BICD1: variants seen among roughly 807,000 people sequenced by gnomAD.
The protein encoded by BICD1 is protein bicaudal D homolog 1.
BICD1 carries 35 observed loss-of-function variants against 92.5 expected under a neutral mutation model. The ratio of observed to expected loss-of-function variants is 0.38; its 90% confidence interval spans 0.29 to 0.50. BICD1 has a LOEUF of 0.50. Ranked by LOEUF, BICD1 falls within the 20% of genes least tolerant of loss-of-function variation. BICD1 has a pLI of 0.93. For synonymous variants in BICD1, 429 were observed against 465.1 expected, an observed-to-expected ratio of 0.92 and a Z score of 1.00; for missense variants, 950 against 1,189.8, an observed-to-expected ratio of 0.80 and a Z score of 2.97.
chr12:32,273,586 G>A (rs1042684183), intron 2 of BICD1, among the ~76,000 whole-genome samples: 5 of 152,190 alleles, frequency 3.3e-5, no homozygotes, highest in African/African-American at 9.7e-5. Context: ...ATTAAACCAC[G>A]TACCAAGCGG....
At chr12:32,218,232 A>G (rs1426125175) in intron 2 of BICD1, among the ~76,000 whole-genome samples, 1 of 152,208 alleles carries the variant, frequency 6.6e-6, no homozygotes, top group East Asian at 1.9e-4. Flanking sequence ...AAGTTAATTA[A>G]TTAAGCATGA....
intron 4 of BICD1, among the ~76,000 whole-genome samples, chr12:32,311,824 G>A (rs187880986): frequency 3.3e-5 from 5 of 152,322 alleles, no homozygotes; most frequent in Admixed American, 2.0e-4. Flanking sequence ...AAAACAAAGC[G>A]GGGAAAGGGG....
intron 1 of BICD1, among the ~76,000 whole-genome samples, chr12:32,194,960 T>C (rs567627157): frequency 1.3e-5 from 2 of 152,034 alleles, no homozygotes; most frequent in East Asian, 3.9e-4. Context: ...GATCTGTACA[T>C]TGAAAACTGT....
chr12:32,305,959 A>G lies in BICD1; in HGVS notation c.842A>G (p.Asn281Ser), dbSNP rs199601826. 4.1e-5 allele frequency: 66 copies of G among 1,614,112 alleles called. No homozygotes were observed. The highest frequency in any genetic ancestry group is 5.6e-5 in the Non-Finnish European group (66 of 1,180,048). Reference sequence around the variant, plus strand: ...GCCGAGGATGGGAGTGAACCAAACAATGATGACAAAATGAACGGTCATATC... The same window carrying G: ...GCCGAGGATGGGAGTGAACCAAACAGTGATGACAAAATGAACGGTCATATC... ...KFAEDGSEPN[N>S]DDKMNGHIHG... The change falls in exon 4 of 10, where the codon AAT (asparagine) becomes AGT (serine). Residue 281 changes from asparagine (N) to serine (S), a missense_variant. Physicochemically the swap from Asn to Ser is conservative, Grantham distance 46. Around this residue, in one of 5 missense-constraint regions of BICD1, gnomAD observed 246 missense variants for 258.4 expected, o/e 0.95. Coordinates refer to ENST00000652176, the MANE Select transcript of BICD1 (RefSeq NM_001714.4).
intron 2 of BICD1, among the ~76,000 whole-genome samples, chr12:32,266,222 G>A (rs1034710971): frequency 2.0e-5 from 3 of 152,124 alleles, no homozygotes; most frequent in Non-Finnish European, 2.9e-5. Context: ...GGAGGGGAAC[G>A]GGAGTCATTT....
At chr12:32,125,490 A>T (rs1242383090) in intron 1 of BICD1, among the ~76,000 whole-genome samples, 1 of 152,182 alleles carries the variant, frequency 6.6e-6, no homozygotes, top group Non-Finnish European at 1.5e-5. Context: ...TTTACACTGT[A>T]TATCATGAGA....
chr12:32,163,396 G>T (rs1943657271), intron 1 of BICD1, among the ~76,000 whole-genome samples: 1 of 151,924 alleles, frequency 6.6e-6, no homozygotes, highest in Non-Finnish European at 1.5e-5. Flanking sequence ...TTATTGTGGA[G>T]AATTTGACAA....
chr12:32,171,360 T>G lies in BICD1; in HGVS notation c.214-44887T>G, dbSNP rs184020368. On this transcript the variant is annotated intron_variant, in intron 1 of 9. Coordinates refer to ENST00000652176, the MANE Select transcript of BICD1 (RefSeq NM_001714.4). ...AAGGCGATGCTGTGGGACCTGGAAA[T>G]AAAGCTTTGCTGTTGTTTTAAAAAT... is the stretch of plus-strand genomic sequence containing the variant. Among the ~76,000 whole-genome samples, 172 of 152,336 alleles carry G rather than the reference T, an allele frequency of 1.1e-3. 2 individuals are homozygous for G. The highest frequency in any genetic ancestry group is 4.1e-3 in the South Asian group (20 of 4,830).
chr12:32,315,878 G>C (rs1162118682), intron 4 of BICD1, among the ~76,000 whole-genome samples: 2 of 152,078 alleles, frequency 1.3e-5, no homozygotes, highest in African/African-American at 4.8e-5. Context: ...GCTCATGCTT[G>C]TAATCCTAGC....
At chr12:32,325,391 C>T (rs1344841421) in intron 4 of BICD1, among the ~76,000 whole-genome samples, 2 of 152,166 alleles carry the variant, frequency 1.3e-5, no homozygotes, top group Admixed American at 1.3e-4. Context: ...ATTTTATAGA[C>T]TGAAGTGCTG....
chr12:32,289,630 A>T (rs1254600138), intron 2 of BICD1, among the ~76,000 whole-genome samples: 1 of 152,166 alleles, frequency 6.6e-6, no homozygotes, highest in South Asian at 2.1e-4. Context: ...TGATCCGCCC[A>T]CCTTGGCCTC....
intron 1 of BICD1, among the ~76,000 whole-genome samples, chr12:32,194,105 G>A (rs1944653944): frequency 6.6e-6 from 1 of 152,168 alleles, no homozygotes; most frequent in Non-Finnish European, 1.5e-5. Flanking sequence ...AAAATCACAT[G>A]ATCATCTCAA....
chr12:32,127,101 G>T (rs955525578), intron 1 of BICD1, among the ~76,000 whole-genome samples: 1 of 152,036 alleles, frequency 6.6e-6, no homozygotes, highest in Non-Finnish European at 1.5e-5. Context: ...CCTAGTCCAT[G>T]GGTTGTCTTT....
At chr12:32,219,740 AACCT>A (rs1311939143) in intron 2 of BICD1, among the ~76,000 whole-genome samples, 2 of 152,182 alleles carry the variant, frequency 1.3e-5, no homozygotes, top group African/African-American at 4.8e-5. Flanking sequence ...TAAAAAAACT[AACCT>A]AGATTTTTTT....
chr12:32,193,791 C>T (rs1944644296), intron 1 of BICD1, among the ~76,000 whole-genome samples: 4 of 152,172 alleles, frequency 2.6e-5, no homozygotes. Context: ...TAAGAATTAA[C>T]ACCAATCCTT....
At chr12:32,110,740 GT>G (rs1309298321) in intron 1 of BICD1, among the ~76,000 whole-genome samples, 2 of 148,220 alleles carry the variant, frequency 1.3e-5, no homozygotes, top group South Asian at 2.2e-4. Flanking sequence ...AAACTTAAGA[GT>G]TTTTTTTACA....
intron 1 of BICD1, among the ~76,000 whole-genome samples, chr12:32,205,390 C>G (rs1945019567): frequency 6.6e-6 from 1 of 152,030 alleles, no homozygotes; most frequent in South Asian, 2.1e-4. Context: ...GGTTGAGAAC[C>G]ACTGCTTGAG....
chr12:32,293,968 A>G, intron 2 of BICD1, 26 bp from the exon 3 acceptor site: 1 of 1,602,150 alleles, frequency 6.2e-7, no homozygotes, highest in Non-Finnish European at 8.5e-7. Context: ...AGAGTTATAT[A>G]TTGACTGTTT....
At chr12:32,167,900 G>A (rs1371850362) in intron 1 of BICD1, among the ~76,000 whole-genome samples, 1 of 149,562 alleles carries the variant, frequency 6.7e-6, no homozygotes, top group Admixed American at 6.7e-5. Flanking sequence ...CCGCTAACTA[G>A]CTTTTTGACT....
Sources: allele counts gnomAD v4.1 joint callset (sites outside exome capture counted in the v4.1 genomes callset), GRCh38; gene constraint gnomAD v4.1.1; regional missense constraint gnomAD v4.1.1; transcripts MANE v1.5; gene names NCBI Gene and HGNC (gene_info 2026-07-23, HGNC 2026-07-21).